The following MICU1 variants were observed in gnomAD, a reference collection of about 807,000 sequenced individuals.
MICU1 encodes the protein calcium uptake protein 1, mitochondrial.
Under a neutral mutation model 56.8 loss-of-function variants are expected in MICU1, and 45 were observed. That is an observed-to-expected ratio of 0.79 (90% CI 0.62 to 1.02). MICU1 has a LOEUF of 1.02. Ranked by LOEUF, MICU1 falls within the 50% of genes least tolerant of loss-of-function variation. MICU1 has a pLI of 0.00. For synonymous variants in MICU1, 186 were observed against 195.1 expected (o/e 0.95, Z 0.39); for missense variants, 504 against 587.1 (o/e 0.86, Z 1.46).
chr10:72,604,349 C>A lies in MICU1; in HGVS notation c.-2+21661G>T, dbSNP rs191751545. Among the ~76,000 whole-genome samples the A allele has an allele frequency of 6.7e-4, 61 of 91,196 alleles. No homozygotes were observed. In the Middle Eastern group the frequency reaches 0.018, roughly 27 times the overall value. The allele number at this position is 91,196 out of a possible 152,430, so 59.8% of individuals were successfully genotyped here. ...AGCGCAATGTTGTGATCTCGGCTCACTGCAACCTCCCCCTCCTGGGTTCAA... is the reference window on the plus strand; with the variant it reads ...AGCGCAATGTTGTGATCTCGGCTCAATGCAACCTCCCCCTCCTGGGTTCAA... On this transcript the variant is annotated intron_variant, in intron 1 of 11. Transcript: ENST00000361114.
intron 8 of MICU1, among the ~76,000 whole-genome samples, chr10:72,429,272 T>G (rs193300106): frequency 6.6e-6 from 1 of 151,862 alleles, no homozygotes; most frequent in African/African-American, 2.4e-5. Flanking sequence ...ATATAAAAAT[T>G]AGCCGGGTCT....
intron 8 of MICU1, among the ~76,000 whole-genome samples, chr10:72,460,333 T>C (rs1008354153): frequency 3.3e-5 from 5 of 152,104 alleles, no homozygotes; most frequent in Admixed American, 2.6e-4. Flanking sequence ...TGTTTTTATT[T>C]TGCACAGCTC....
chr10:72,567,541 C>T (rs1048426937), intron 1 of MICU1, among the ~76,000 whole-genome samples: 2 of 152,086 alleles, frequency 1.3e-5, no homozygotes, highest in African/African-American at 4.8e-5. Flanking sequence ...GAGAAACTTA[C>T]TAAGGTGCCA....
intron 1 of MICU1, among the ~76,000 whole-genome samples, chr10:72,569,231 A>ATCTTTTTTTT (rs1156509426): frequency 2.5e-5 from 1 of 39,540 alleles, no homozygotes; most frequent in Non-Finnish European, 5.6e-5. Context: ...ATATATATAT[A>ATCTTTTTTTT]TATATATTTT....
intron 6 of MICU1, among the ~76,000 whole-genome samples, chr10:72,495,372 T>C (rs1264327310): frequency 1.3e-5 from 2 of 152,218 alleles, no homozygotes; most frequent in South Asian, 2.1e-4. Context: ...CTAGCTACTT[T>C]AGGCTGGGTG....
intron 8 of MICU1, among the ~76,000 whole-genome samples, chr10:72,460,842 GA>G (rs943993065): frequency 2.0e-5 from 3 of 151,372 alleles, no homozygotes; most frequent in Admixed American, 6.6e-5. Flanking sequence ...GTTAAAAGAA[GA>G]AAAAAAAGCA....
chr10:72,498,819 G>C (rs936918605), intron 6 of MICU1, among the ~76,000 whole-genome samples: 3 of 152,108 alleles, frequency 2.0e-5, no homozygotes, highest in Non-Finnish European at 4.4e-5. Context: ...AATTTATGCA[G>C]ACATAATTCT....
intron 1 of MICU1, among the ~76,000 whole-genome samples, chr10:72,601,065 A>C (rs1421214765): frequency 6.6e-6 from 1 of 152,160 alleles, no homozygotes; most frequent in African/African-American, 2.4e-5. Flanking sequence ...GGTGTGAAGA[A>C]AATGTTCTTT....
chr10:72,490,858 G>A (rs1382628406), intron 6 of MICU1, among the ~76,000 whole-genome samples: 6 of 152,208 alleles, frequency 3.9e-5, no homozygotes, highest in African/African-American at 1.2e-4. Context: ...GAGGCAGCGA[G>A]TTTAATCTCC....
chr10:72,550,914 C>T (rs989164492), intron 4 of MICU1, among the ~76,000 whole-genome samples: 5 of 152,122 alleles, frequency 3.3e-5, no homozygotes, highest in South Asian at 2.1e-4. Flanking sequence ...GTATTGCCTT[C>T]GAGAACATTC....
Position 72,508,258 on chromosome 10 carries a change from C to A in MICU1, c.549G>T (p.Gln183His). ...IKRFDGKKISQEREKFADEGS... is the reference protein window; with the variant it reads ...IKRFDGKKISHEREKFADEGS... ...CTTCATCAGCAAATTTTTCTCGTTC[C>A]TGGGAAATTTTCTATAGAATGTATG... is the stretch of plus-strand genomic sequence containing the variant. Residue 183 changes from glutamine to histidine, a missense_variant, in exon 6 of 12, where the codon CAG becomes CAT. Gln to His is a conservative substitution (Grantham distance 24). Transcript: ENST00000361114. 2 of 1,503,326 alleles carry A rather than the reference C, an allele frequency of 1.3e-6. No individual in the cohort carries two copies. The highest frequency in any genetic ancestry group is 1.8e-6 in the Non-Finnish European group (2 of 1,107,728). The allele number at this position is 1,503,326 out of a possible 1,614,324, so 93.1% of individuals were successfully genotyped here. A position where few individuals can be genotyped will look rare whatever the true frequency, so the allele number is the denominator to read the frequency against.
At chr10:72,555,026 A>T (rs974622445) in intron 3 of MICU1, among the ~76,000 whole-genome samples, 9 of 152,300 alleles carry the variant, frequency 5.9e-5, no homozygotes, top group Middle Eastern at 3.4e-3. Context: ...AAACAAAACA[A>T]AACATACAAA....
intron 6 of MICU1, among the ~76,000 whole-genome samples, chr10:72,490,856 G>C (rs1014271856): frequency 6.6e-6 from 1 of 152,192 alleles, no homozygotes; most frequent in East Asian, 1.9e-4. Context: ...AGGAGGCAGC[G>C]AGTTTAATCT....
At chr10:72,580,187 G>C (rs967878406) in intron 1 of MICU1, among the ~76,000 whole-genome samples, 6 of 152,048 alleles carry the variant, frequency 3.9e-5, no homozygotes, top group African/African-American at 1.4e-4. Flanking sequence ...CCAGCCCTGA[G>C]GCATCATCTT....
At chr10:72,381,158 C>T (rs1390899318) in intron 10 of MICU1, among the ~76,000 whole-genome samples, 1 of 152,198 alleles carries the variant, frequency 6.6e-6, no homozygotes, top group East Asian at 1.9e-4. Context: ...CTGCCTCTTC[C>T]TAATGCAAAA....
intron 3 of MICU1, among the ~76,000 whole-genome samples, chr10:72,557,185 T>G (rs566966045): frequency 6.6e-6 from 1 of 152,280 alleles, no homozygotes; most frequent in Non-Finnish European, 1.5e-5. Context: ...ATACACTATC[T>G]CCAATAAAAT....
intron 11 of MICU1, among the ~76,000 whole-genome samples, chr10:72,374,192 C>A (rs778024733): frequency 1.3e-5 from 2 of 152,240 alleles, no homozygotes; most frequent in Non-Finnish European, 2.9e-5. Context: ...GTGATCATGG[C>A]TCACTGCAGT....
At position 72,615,225 on chromosome 10, in the gene MICU1, C is replaced by G. The variant is rs547567918; in HGVS notation, c.-2+10785G>C. ...CTCTGCCTCCTGGGCTCAAGTGATA[C>G]TTGTGCCTCAGCCTCCCCAGTAATT... is the stretch of plus-strand genomic sequence containing the variant. On this transcript the variant is annotated intron_variant, in intron 1 of 11. Coordinates refer to ENST00000361114, the MANE Select transcript of MICU1 (RefSeq NM_001195518.2). 1.1e-4 allele frequency among the ~76,000 whole-genome samples: 17 copies of G among 152,280 alleles called. No homozygotes were observed. The South Asian group carries it at 2.1e-3, about 19-fold the overall frequency.
intron 1 of MICU1, among the ~76,000 whole-genome samples, chr10:72,622,712 T>C (rs188861083): frequency 1.3e-5 from 2 of 152,278 alleles, no homozygotes; most frequent in Non-Finnish European, 2.9e-5. Flanking sequence ...AAAGATAAAT[T>C]AGGACTTTGA....
Sources: allele counts gnomAD v4.1 joint callset (sites outside exome capture counted in the v4.1 genomes callset), GRCh38; gene constraint gnomAD v4.1.1; transcripts MANE v1.5; gene names NCBI Gene and HGNC (gene_info 2026-07-23, HGNC 2026-07-21).